The following RNF111 variants were observed in gnomAD, a reference collection of about 807,000 sequenced individuals.
The protein encoded by RNF111 is E3 ubiquitin-protein ligase Arkadia.
In RNF111, 17 loss-of-function variants were observed where a neutral mutation model predicts 95.1. The observed-to-expected ratio is 0.18, with a 90% CI of 0.12 to 0.27. The LOEUF is 0.27. RNF111 is among the 10% of genes least tolerant of loss of function. The pLI, the probability that RNF111 is intolerant of heterozygous loss-of-function variation, is 1.00. For synonymous variants in RNF111, 440 were observed against 414.8 expected (o/e 1.06, Z -0.74); for missense variants, 1,189 against 1,210.4 (o/e 0.98, Z 0.26).
At chr15:59,005,120 C>T (rs775630806) in intron 1 of RNF111, among the ~76,000 whole-genome samples, 2 of 152,232 alleles carry the variant, frequency 1.3e-5, no homozygotes, top group Non-Finnish European at 2.9e-5. Context: ...TATGCCTATA[C>T]TGTCAGCCAT....
intron 5 of RNF111, among the ~76,000 whole-genome samples, chr15:59,062,805 T>G (rs772635205): frequency 6.6e-6 from 1 of 152,208 alleles, no homozygotes; most frequent in African/African-American, 2.4e-5. Flanking sequence ...TTTTCCCCTT[T>G]ATGCCAAGAT....
chr15:59,096,067 A>G lies in RNF111; in HGVS notation c.*1167A>G. 1 of 398,644 alleles carries G rather than the reference A, an allele frequency of 2.5e-6. No individual in the cohort carries two copies. The highest frequency in any genetic ancestry group is 4.4e-6 in the Non-Finnish European group (1 of 225,862). 24.7% of individuals were successfully genotyped at this position (398,644 alleles called of 1,614,324 possible). ...ACTGTTGCTATGGTTATATACTCCC[A>G]CTTCATACATTACCAAGAGTCGATC... On this transcript the variant is annotated 3_prime_UTR_variant, in exon 14 of 14. Coordinates refer to ENST00000348370, the MANE Select transcript of RNF111 (RefSeq NM_017610.8).
intron 6 of RNF111, among the ~76,000 whole-genome samples, chr15:59,073,435 T>C (rs1392962028): frequency 6.6e-6 from 1 of 151,566 alleles, no homozygotes; most frequent in Non-Finnish European, 1.5e-5. Context: ...GAGCCAAGAT[T>C]GCACTACTGC....
chr15:59,063,829 G>A (rs1285266456), intron 5 of RNF111, among the ~76,000 whole-genome samples: 1 of 152,140 alleles, frequency 6.6e-6, no homozygotes, highest in Non-Finnish European at 1.5e-5. Flanking sequence ...AAATAACTTG[G>A]TTTGTAAAAT....
At chr15:59,060,585 C>T (rs1179263752) in intron 5 of RNF111, among the ~76,000 whole-genome samples, 1 of 152,088 alleles carries the variant, frequency 6.6e-6, no homozygotes, top group Non-Finnish European at 1.5e-5. Context: ...CAGTGATCCT[C>T]GAGGGCACCA....
At chr15:58,998,084 T>TACA (rs1214009169) in intron 1 of RNF111, among the ~76,000 whole-genome samples, 10 of 151,794 alleles carry the variant, frequency 6.6e-5, no homozygotes. Context: ...TTTGTATTTT[T>TACA]AGTAGAGACG....
At chr15:59,056,171 C>G (rs7164205) in intron 4 of RNF111, among the ~76,000 whole-genome samples, 1 of 152,098 alleles carries the variant, frequency 6.6e-6, no homozygotes, top group African/African-American at 2.4e-5. Flanking sequence ...AGAAGCAGTA[C>G]TTTTTAAATA....
Position 59,031,125 on chromosome 15 carries a change from C to G in RNF111, c.303C>G (p.Gly101=). The G allele has an allele frequency of 1.2e-6, 2 of 1,614,178 alleles. No individual in the cohort carries two copies. Among genetic ancestry groups the G allele is most frequent in the Non-Finnish European group, 1.7e-6 (2 of 1,180,028 alleles). ...AAAAACGCAAAAGCCAGCAGGCTGGCCCTTCGTATGTGCAGAATTGTGTTA... is the reference window on the plus strand; with the variant it reads ...AAAAACGCAAAAGCCAGCAGGCTGGGCCTTCGTATGTGCAGAATTGTGTTA... ...VRKKRKSQQA[G]PSYVQNCVKE... is the part of the protein sequence containing the mutation. The change falls in exon 2 of 14, where the codon GGC becomes GGG. Residue 101 remains glycine, a synonymous_variant. Coordinates refer to ENST00000348370, the MANE Select transcript of RNF111 (RefSeq NM_017610.8).
chr15:59,028,242 A>G (rs1364519722), intron 1 of RNF111, among the ~76,000 whole-genome samples: 2 of 152,126 alleles, frequency 1.3e-5, no homozygotes, highest in East Asian at 1.9e-4. Context: ...ATCTTACATT[A>G]TGTTATCTTT....
At chr15:58,995,359 G>A (rs1018115251) in intron 1 of RNF111, among the ~76,000 whole-genome samples, 12 of 152,046 alleles carry the variant, frequency 7.9e-5, no homozygotes, top group African/African-American at 2.4e-4. Flanking sequence ...TATTCAGTGG[G>A]TTAAATAACC....
At position 59,081,304 on chromosome 15, in the gene RNF111, A is replaced by G; in HGVS notation, c.2297+20A>G. On this transcript the variant is annotated intron_variant, in intron 8 of 13. Transcript: ENST00000348370. ...TCCAACGTATGTTTTACGTTTTTAA[A>G]AAGAAAGTCAAGTTTGCTTTTTCTT... 6.2e-7 allele frequency: 1 copy of G among 1,600,172 alleles called. No individual in the cohort carries two copies. The highest frequency in any genetic ancestry group is 8.5e-7 in the Non-Finnish European group (1 of 1,170,470).
chr15:59,097,128 A>C lies in RNF111; in HGVS notation c.*2228A>C, dbSNP rs111463749. The C allele has an allele frequency of 3.9e-5, 6 of 152,342 alleles. No individual in the cohort carries two copies. The highest frequency in any genetic ancestry group is 1.4e-4 in the African/African-American group (6 of 41,582). 9.4% of individuals were successfully genotyped at this position (152,342 alleles called of 1,614,324 possible). ...CGAAAAATGTGATAAGTAATGAAGAAAGTAAGGAAGAAAATGACTTTGAAC... is the reference window on the plus strand; with the variant it reads ...CGAAAAATGTGATAAGTAATGAAGACAGTAAGGAAGAAAATGACTTTGAAC... On this transcript the variant is annotated 3_prime_UTR_variant, in exon 14 of 14. Coordinates refer to ENST00000348370, the MANE Select transcript of RNF111 (RefSeq NM_017610.8).
rs774328927 is a variant in RNF111, at chr15:58,995,459, CCT to C, written c.-20+7394_-20+7395del. On this transcript the variant is annotated intron_variant, in intron 1 of 13. Transcript: ENST00000348370. ...GGGCTCCTGTGTCTTTTTAACATAA[CCT>C]CTTGTTTTTTTTTTTTGACGGAGTC... Among the ~76,000 whole-genome samples the C allele has an allele frequency of 4.0e-5, 5 of 126,054 alleles. No homozygotes were observed. In the Admixed American group the frequency reaches 4.4e-4, roughly 11 times the overall value. 82.7% of individuals were successfully genotyped at this position (126,054 alleles called of 152,430 possible).
At chr15:59,055,655 A>T in intron 3 of RNF111, 27 bp from the exon 4 acceptor site, 1 of 1,500,066 alleles carries the variant, frequency 6.7e-7, no homozygotes, top group Non-Finnish European at 9.0e-7. Flanking sequence ...ATTTATATTT[A>T]CTAACTTAAT....
intron 1 of RNF111, among the ~76,000 whole-genome samples, chr15:59,011,205 T>C (rs145213358): frequency 1.6e-3 from 247 of 152,286 alleles, no homozygotes; most frequent in African/African-American, 5.2e-3. Context: ...GTCTTATCCT[T>C]CCTGGAAAAC....
At chr15:59,083,553 T>C (rs1316727333) in intron 8 of RNF111, among the ~76,000 whole-genome samples, 1 of 151,528 alleles carries the variant, frequency 6.6e-6, no homozygotes, top group South Asian at 2.1e-4. Flanking sequence ...AAAAAAAGTA[T>C]GAATCAAGCT....
intron 6 of RNF111, among the ~76,000 whole-genome samples, chr15:59,070,223 A>G (rs1476957993): frequency 6.6e-6 from 1 of 151,854 alleles, no homozygotes; most frequent in Non-Finnish European, 1.5e-5. Flanking sequence ...GCCAATTATT[A>G]TGTCCCATCA....
At chr15:59,089,021 C>G (rs1216729706) in intron 10 of RNF111, among the ~76,000 whole-genome samples, 1 of 152,122 alleles carries the variant, frequency 6.6e-6, no homozygotes, top group Non-Finnish European at 1.5e-5. Context: ...AGTAGGAGCT[C>G]AAATACGGCA....
Position 59,031,624 on chromosome 15 carries a change from A to G in RNF111, c.802A>G (p.Ser268Gly), listed in dbSNP as rs775888089. The G allele has an allele frequency of 1.9e-6, 3 of 1,614,196 alleles. No homozygotes were observed. The highest frequency in any genetic ancestry group is 1.7e-6 in the Non-Finnish European group (2 of 1,180,006). ...ENDLSSESSSSSSTEGEEDLF... is the reference protein window; with the variant it reads ...ENDLSSESSSGSSTEGEEDLF... ...TGACCTCAGCAGTGAATCCTCTTCT[A>G]GCTCATCAACTGAAGGAGAAGAAGA... The change falls in exon 2 of 14, where the codon AGC (serine) becomes GGC (glycine). Residue 268 changes from serine (S) to glycine (G), a missense_variant. Ser to Gly is a moderately conservative substitution (Grantham distance 56). This residue lies in a region of RNF111 where 1,024 missense variants were observed against 925.9 expected (regional missense o/e 1.11). Transcript: ENST00000348370.
Sources: allele counts gnomAD v4.1 joint callset (sites outside exome capture counted in the v4.1 genomes callset), GRCh38; gene constraint gnomAD v4.1.1; regional missense constraint gnomAD v4.1.1; transcripts MANE v1.5; gene names NCBI Gene and HGNC (gene_info 2026-07-23, HGNC 2026-07-21).